The following NELL1 variants were observed in gnomAD, a reference collection of about 807,000 sequenced individuals.
NELL1 encodes the protein neural EGFL like 1, also known as protein kinase C-binding protein NELL1.
A neutral mutation model predicts 107.4 loss-of-function variants in NELL1; 76 were observed. The ratio of observed to expected loss-of-function variants is 0.71; its 90% CI spans 0.59 to 0.86. The LOEUF is 0.86. Ranked by LOEUF, NELL1 falls within the 40% of genes least tolerant of loss-of-function variation. The pLI is 0.00. For missense variants in NELL1, 1,024 were observed against 1,005.5 expected (o/e 1.02, Z -0.25); for synonymous variants, 353 against 341.2 (o/e 1.03, Z -0.38).
intron 12 of NELL1, among the ~76,000 whole-genome samples, chr11:21,031,470 G>A (rs994771519): frequency 3.9e-5 from 6 of 152,200 alleles, no homozygotes; most frequent in Admixed American, 6.5e-5. Context: ...GACAGATTGA[G>A]AACACATTCT....
chr11:20,948,854 C>T (rs1352239556), intron 11 of NELL1, among the ~76,000 whole-genome samples: 1 of 151,486 alleles, frequency 6.6e-6, no homozygotes, highest in African/African-American at 2.4e-5. Context: ...CTCAAATACC[C>T]AGTAAGTGAT....
intron 12 of NELL1, among the ~76,000 whole-genome samples, chr11:20,978,548 TTAGA>T (rs1188177146): frequency 6.6e-6 from 1 of 152,198 alleles, no homozygotes; most frequent in Non-Finnish European, 1.5e-5. Flanking sequence ...TTTGTGTATC[TTAGA>T]TAGAAGACAT....
intron 15 of NELL1, among the ~76,000 whole-genome samples, chr11:21,416,869 A>G (rs886432505): frequency 2.0e-5 from 3 of 152,142 alleles, no homozygotes; most frequent in African/African-American, 7.2e-5. Flanking sequence ...CAGGAAAACA[A>G]TTGGGTAAAT....
intron 3 of NELL1, among the ~76,000 whole-genome samples, chr11:20,790,917 CT>C: frequency 6.6e-6 from 1 of 152,338 alleles, no homozygotes; most frequent in African/African-American, 2.4e-5. Flanking sequence ...CCTGCCGCTA[CT>C]ATCATTACTT....
At chr11:21,326,716 C>T (rs1850150963) in intron 14 of NELL1, among the ~76,000 whole-genome samples, 1 of 151,050 alleles carries the variant, frequency 6.6e-6, no homozygotes, top group South Asian at 2.1e-4. Flanking sequence ...TGTCTTTTGC[C>T]TACATTTTTA....
chr11:20,967,881 A>G (rs1851418356), intron 12 of NELL1, among the ~76,000 whole-genome samples: 2 of 152,178 alleles, frequency 1.3e-5, no homozygotes, highest in South Asian at 4.1e-4. Flanking sequence ...GTGAACTGGA[A>G]CCTGCCTACT....
chr11:21,128,799 G>A (rs1855548823), intron 13 of NELL1, among the ~76,000 whole-genome samples: 1 of 152,134 alleles, frequency 6.6e-6, no homozygotes, highest in Admixed American at 6.6e-5. Flanking sequence ...AGGGAATCAA[G>A]TCAAGATTTA....
At chr11:21,276,345 G>A (rs1401072151) in intron 14 of NELL1, among the ~76,000 whole-genome samples, 3 of 152,180 alleles carry the variant, frequency 2.0e-5, no homozygotes, top group East Asian at 1.9e-4. Flanking sequence ...TGCAAGGGAC[G>A]TGAAGGACCT....
intron 5 of NELL1, among the ~76,000 whole-genome samples, chr11:20,915,900 T>G (rs2134155776): frequency 6.6e-6 from 1 of 151,360 alleles, no homozygotes; most frequent in Admixed American, 6.6e-5. Flanking sequence ...CTTCTGATTC[T>G]TATTCTGGGG....
At chr11:20,922,859 T>C (rs1782155212) in intron 7 of NELL1, among the ~76,000 whole-genome samples, 1 of 152,184 alleles carries the variant, frequency 6.6e-6, no homozygotes, top group Non-Finnish European at 1.5e-5. Flanking sequence ...TTATTCCTGC[T>C]CTTGTAAAGA....
chr11:21,514,798 C>T (rs1283683507), intron 15 of NELL1, among the ~76,000 whole-genome samples: 1 of 151,214 alleles, frequency 6.6e-6, no homozygotes, highest in African/African-American at 2.5e-5. Context: ...GAAAGCCCTG[C>T]CTTATGGATT....
intron 14 of NELL1, among the ~76,000 whole-genome samples, chr11:21,266,729 A>G (rs1848643873): frequency 6.6e-6 from 1 of 151,962 alleles, no homozygotes; most frequent in African/African-American, 2.4e-5. Context: ...AGTCCTCTTG[A>G]TCTTAGTGGC....
intron 12 of NELL1, among the ~76,000 whole-genome samples, chr11:21,033,503 C>G (rs1027390895): frequency 6.6e-6 from 1 of 151,984 alleles, no homozygotes; most frequent in Admixed American, 6.6e-5. Flanking sequence ...TTTTCTGTTT[C>G]TTTATTAGTT....
chr11:20,695,087 C>T (rs1220930720), intron 2 of NELL1, among the ~76,000 whole-genome samples: 2 of 151,906 alleles, frequency 1.3e-5, no homozygotes, highest in African/African-American at 4.8e-5. Context: ...TGACTTGGCT[C>T]TCAGCTTGAA....
At chr11:21,219,642 T>A (rs1162023602) in intron 13 of NELL1, among the ~76,000 whole-genome samples, 1 of 152,164 alleles carries the variant, frequency 6.6e-6, no homozygotes, top group Non-Finnish European at 1.5e-5. Flanking sequence ...CTACTTTGAG[T>A]TGATTTTTGT....
intron 4 of NELL1, among the ~76,000 whole-genome samples, chr11:20,854,033 G>A: frequency 6.6e-6 from 1 of 152,086 alleles, no homozygotes; most frequent in East Asian, 1.9e-4. Flanking sequence ...CACCACTCAT[G>A]AGGCAAAATT....
chr11:21,372,569 G>T lies in NELL1; in HGVS notation c.1645+1621G>T, dbSNP rs151282104. Reference sequence around the variant, plus strand: ...TTATTAGAACTGAGAATAAAACACAGTTGTATCTCACAAAGCCTGTGTTAT... The same window carrying T: ...TTATTAGAACTGAGAATAAAACACATTTGTATCTCACAAAGCCTGTGTTAT... On this transcript the variant is annotated intron_variant, in intron 15 of 19. Transcript: ENST00000357134. Among the ~76,000 whole-genome samples the T allele has an allele frequency of 6.1e-4, 93 of 151,980 alleles. 1 individual carries two copies. Among genetic ancestry groups the T allele is most frequent in the African/African-American group, 2.0e-3 (85 of 41,484 alleles).
chr11:20,842,456 G>A (rs1340655701), intron 3 of NELL1, among the ~76,000 whole-genome samples: 1 of 152,076 alleles, frequency 6.6e-6, no homozygotes, highest in East Asian at 1.9e-4. Context: ...ATGAGGGCTG[G>A]CACCTGGGTC....
At chr11:21,334,552 GTC>G (rs1850343607) in intron 14 of NELL1, among the ~76,000 whole-genome samples, 1 of 151,820 alleles carries the variant, frequency 6.6e-6, no homozygotes, top group African/African-American at 2.4e-5. Context: ...ACCTGTCTCT[GTC>G]TCTCTGTTTT....
Sources: allele counts gnomAD v4.1 joint callset (sites outside exome capture counted in the v4.1 genomes callset), GRCh38; gene constraint gnomAD v4.1.1; transcripts MANE v1.5; gene names NCBI Gene and HGNC (gene_info 2026-07-23, HGNC 2026-07-21).